The following RHPN1 variants were observed in gnomAD, a reference collection of about 807,000 sequenced individuals.
RHPN1 encodes the protein rhophilin Rho GTPase binding protein 1.
RHPN1 carries 77 observed loss-of-function variants against 74.7 expected under a neutral mutation model. The ratio of observed to expected loss-of-function variants is 1.03; its 90% CI spans 0.86 to 1.25. The LOEUF is 1.25. Ranked by LOEUF, RHPN1 falls within the 50% of genes most tolerant of loss-of-function variation. RHPN1 has a pLI of 0.00. For synonymous variants in RHPN1, 444 were observed against 414.5 expected (o/e 1.07, Z -0.87); for missense variants, 987 against 932.2 (o/e 1.06, Z -0.77).
intron 1 of RHPN1, among the ~76,000 whole-genome samples, chr8:143,371,346 G>A (rs1408218118): frequency 2.6e-5 from 4 of 152,138 alleles, no homozygotes; most frequent in Non-Finnish European, 5.9e-5. Flanking sequence ...TGGGGGCAGA[G>A]GAGAGGGGTA....
chr8:143,371,861 G>T (rs1446997141), intron 1 of RHPN1, among the ~76,000 whole-genome samples: 1 of 152,202 alleles, frequency 6.6e-6, no homozygotes, highest in Non-Finnish European at 1.5e-5. Context: ...AGGAGTAGGG[G>T]CCTGAACGCC....
At chr8:143,366,302 A>C (rs2130516483), upstream of RHPN1, among the ~76,000 whole-genome samples, 1 of 152,100 alleles carries the variant, frequency 6.6e-6, no homozygotes, top group African/African-American at 2.4e-5. Context: ...CTCACCTCCC[A>C]TCCTTTCATT....
rs555095142 is a variant in RHPN1 at position 143,380,490 on chromosome 8, G to C, written c.1217-99G>C. 48 of 1,180,854 alleles carry C rather than the reference G, an allele frequency of 4.1e-5. No homozygotes were observed. The South Asian group carries it at 7.0e-4, about 17-fold the overall frequency. 73.1% of individuals were successfully genotyped at this position (1,180,854 alleles called of 1,614,324 possible). A position where few individuals can be genotyped will look rare whatever the true frequency, so the allele number is the denominator to read the frequency against. The stretch of plus-strand genomic sequence containing the variant: ...GCGCGCACCCCCAACGAAAGTGGCT[G>C]TGATGAGCCCCACAGCCCTGGCGTT... On this transcript the variant is annotated intron_variant, in intron 10 of 14. Transcript: ENST00000289013.
upstream of RHPN1, chr8:143,366,789 G>A (rs1817563785): frequency 6.6e-6 from 1 of 152,174 alleles, no homozygotes; most frequent in African/African-American, 2.4e-5. Context: ...CGTAAGAACT[G>A]GATACCATTT....
rs1818506662 is a variant in RHPN1 at position 143,379,117 on chromosome 8, G to T, written c.751+39G>T. 3.4e-6 allele frequency: 5 copies of T among 1,458,814 alleles called. No individual in the cohort carries two copies. In the African/African-American group the frequency reaches 4.3e-5, roughly 12 times the overall value. The allele number at this position is 1,458,814 out of a possible 1,614,324, so 90.4% of individuals were successfully genotyped here. A position where few individuals can be genotyped will look rare whatever the true frequency, so the allele number is the denominator to read the frequency against. ...GGGCCGCGGTGGGGCACGGCGCGGT[G>T]CCAGGGTGTTGCAGAGCCCCTTTTG... On this transcript the variant is annotated intron_variant, in intron 7 of 14. Coordinates refer to ENST00000289013, the MANE Select transcript of RHPN1 (RefSeq NM_052924.3).
intron 3 of RHPN1, 33 bp from the exon 4 acceptor site, chr8:143,377,339 GGTTTGGCC>G: frequency 6.4e-7 from 1 of 1,556,964 alleles, no homozygotes; most frequent in Non-Finnish European, 8.9e-7. Flanking sequence ...TGGGCAGCAG[GGTTTGGCC>G]TTACAGTCTG....
At chr8:143,380,831 G>A (rs894511541) in intron 11 of RHPN1, 48 bp downstream of exon 11, 1 of 1,430,916 alleles carries the variant, frequency 7.0e-7, no homozygotes, top group Non-Finnish European at 9.3e-7. Context: ...GGCCAGGGTG[G>A]GGGCCTTCGT....
upstream of RHPN1, chr8:143,368,351 G>A (rs931862110): frequency 3.3e-5 from 5 of 153,400 alleles, no homozygotes; most frequent in East Asian, 1.9e-4. Flanking sequence ...GGCATTGTCG[G>A]AGGACTCACA....
chr8:143,378,637 G>A (rs1818457940), intron 5 of RHPN1, 59 bp from the exon 6 acceptor site: 4 of 1,563,620 alleles, frequency 2.6e-6, no homozygotes, highest in Non-Finnish European at 3.5e-6. Context: ...ACTTCCCAGG[G>A]CAGTGTGTGT....
intron 1 of RHPN1, among the ~76,000 whole-genome samples, chr8:143,372,395 C>G (rs765038383): frequency 2.0e-5 from 3 of 152,274 alleles, no homozygotes; most frequent in South Asian, 2.1e-4. Flanking sequence ...CTCTCCAGCC[C>G]GAGTCCCTGA....
At chr8:143,372,069 G>A (rs1288439320) in intron 1 of RHPN1, among the ~76,000 whole-genome samples, 1 of 152,196 alleles carries the variant, frequency 6.6e-6, no homozygotes, top group Admixed American at 6.5e-5. Context: ...CCCACAGCAG[G>A]TGCCTGTGGG....
chr8:143,377,924 G>T (rs1818393432), intron 4 of RHPN1, among the ~76,000 whole-genome samples: 1 of 152,228 alleles, frequency 6.6e-6, no homozygotes, highest in Admixed American at 6.5e-5. Context: ...TCACTGAGTG[G>T]CAGATGGCAC....
At position 143,376,645 on chromosome 8, in the gene RHPN1, G is replaced by A; in HGVS notation, c.297G>A (p.Arg99=). 1.3e-6 allele frequency: 2 copies of A among 1,568,640 alleles called. No individual in the cohort carries two copies. Among genetic ancestry groups the A allele is most frequent in the Non-Finnish European group, 1.7e-6 (2 of 1,157,116 alleles). Residue 99 remains arginine (R), a synonymous_variant, in exon 3 of 15, where the codon CGG becomes CGA. Coordinates refer to ENST00000289013, the MANE Select transcript of RHPN1 (RefSeq NM_052924.3). Reference sequence around the variant, plus strand: ...TCAGCGGTGGCGTGGACCCTGGCCGGCATGGGAGGTGCGGGTGGGGGCCGG... The same window carrying A: ...TCAGCGGTGGCGTGGACCCTGGCCGACATGGGAGGTGCGGGTGGGGGCCGG... ...EELSGGVDPG[R]HGSEAVTVPM...
At chr8:143,381,433 A>G in intron 12 of RHPN1, 89 bp downstream of exon 12, 1 of 1,452,514 alleles carries the variant, frequency 6.9e-7, no homozygotes, top group Non-Finnish European at 9.3e-7. Flanking sequence ...CAGGCCATTG[A>G]TGGTGGTCCA....
chr8:143,379,794 G>T, intron 8 of RHPN1, 35 bp from the exon 9 acceptor site: 1 of 1,582,362 alleles, frequency 6.3e-7, no homozygotes, highest in East Asian at 2.3e-5. Context: ...CTGGAGAGTG[G>T]GAGGCCCTCG....
At position 143,378,714 on chromosome 8, in the gene RHPN1, CG is replaced by C. The variant is rs1228662322; in HGVS notation, c.480del (p.Asn161MetfsTer96). On this transcript the variant is annotated frameshift_variant, in exon 6 of 15. Coordinates refer to ENST00000289013, the MANE Select transcript of RHPN1 (RefSeq NM_052924.3). LOFTEE classifies it high-confidence loss of function. ...CCTGCAGGCCATGCGGACCCCCAGC[CG>C]GAATGAGTCGGGCCTGGAGCTGCTC... ...ALRQAMRTPSRNESGLELLTA... is the reference protein window; with the variant it reads ...ALRQAMRTPSXNESGLELLTA... 6.3e-7 allele frequency: 1 copy of C among 1,595,280 alleles called. No homozygotes were observed. Among genetic ancestry groups the C allele is most frequent in the Non-Finnish European group, 8.5e-7 (1 of 1,172,038 alleles).
chr8:143,369,133 C>A (rs1817664589), intron 1 of RHPN1, 86 bp downstream of exon 1: 1 of 1,069,516 alleles, frequency 9.4e-7, no homozygotes. Flanking sequence ...TCCGGGCGCC[C>A]CCCTCCTACG....
intron 1 of RHPN1, among the ~76,000 whole-genome samples, chr8:143,372,062 A>G (rs1817859729): frequency 6.6e-6 from 1 of 152,186 alleles, no homozygotes; most frequent in Non-Finnish European, 1.5e-5. Flanking sequence ...GACCAGGCCC[A>G]CAGCAGGTGC....
chr8:143,377,140 TTG>T lies in RHPN1; in HGVS notation c.306-227_306-226del, dbSNP rs140462652. On this transcript the variant is annotated intron_variant, in intron 3 of 14. Transcript: ENST00000289013. Reference sequence around the variant, plus strand: ...TCTGCATGTGTATGCACGCATGTGTTTGTGTGTGTGTGTGCGCGCGCATGTGT... The same window carrying T: ...TCTGCATGTGTATGCACGCATGTGTTTGTGTGTGTGTGCGCGCGCATGTGT... 1.1e-3 allele frequency among the ~76,000 whole-genome samples: 163 copies of T among 150,292 alleles called. 1 individual carries two copies. In the South Asian group the frequency reaches 0.017, roughly 16 times the overall value.
Sources: gnomAD v4.1 joint callset for allele counts (sites outside exome capture counted in the v4.1 genomes callset) on GRCh38, gnomAD v4.1.1 for gene constraint, MANE v1.5 for transcripts, NCBI Gene and HGNC (gene_info 2026-07-23, HGNC 2026-07-21) for gene names.